The following RPL6 variants were observed in gnomAD, a reference collection of about 807,000 sequenced individuals.
RPL6 encodes large ribosomal subunit protein eL6.
Under a neutral mutation model 32.1 loss-of-function variants are expected in RPL6, and 1 was observed. The ratio of observed to expected loss-of-function variants is 0.03; its 90% CI spans 0.01 to 0.15. The LOEUF (loss-of-function observed/expected upper bound fraction) is 0.15. Ranked by LOEUF, RPL6 falls within the 10% of genes least tolerant of loss-of-function variation. RPL6 has a pLI of 1.00. For synonymous variants in RPL6, 126 were observed against 131.6 expected, an observed-to-expected ratio of 0.96 and a Z score of 0.29; for missense variants, 275 against 354.6, an observed-to-expected ratio of 0.78 and a Z score of 1.80.
chr12:112,414,157 A>G (rs533937115), upstream of RPL6, among the ~76,000 whole-genome samples: 1 of 152,352 alleles, frequency 6.6e-6, no homozygotes, highest in South Asian at 2.1e-4. Flanking sequence ...TAAATTTTGG[A>G]AGACAGGGAT....
At chr12:112,418,835 T>G in exon 1 of RPL6, 8 of 496,952 alleles carry the variant, frequency 1.6e-5, no homozygotes, top group Middle Eastern at 1.0e-3. Context: ...GGTCCTCCGC[T>G]GACGGGAAGC....
intron 1 of RPL6, among the ~76,000 whole-genome samples, chr12:112,416,356 G>A (rs1323456155): frequency 6.6e-6 from 1 of 151,940 alleles, no homozygotes; most frequent in African/African-American, 2.4e-5. Flanking sequence ...AGCCAGGATG[G>A]TCTCGATCTC....
chr12:112,414,773 C>CAGGT (rs2037383494), upstream of RPL6, among the ~76,000 whole-genome samples: 1 of 151,970 alleles, frequency 6.6e-6, no homozygotes, highest in African/African-American at 2.4e-5. Flanking sequence ...GGCGTGGTGG[C>CAGGT]AGGTACCTGT....
Position 112,405,386 on chromosome 12 carries a change from G to C in RPL6, c.715-10C>G. 6.2e-7 allele frequency: 1 copy of C among 1,607,602 alleles called. No individual in the cohort carries two copies. The highest frequency in any genetic ancestry group is 8.5e-7 in the Non-Finnish European group (1 of 1,178,638). ...CCGTAATCTCATATTTCTAAATAAA[G>C]AGAAAATCAAACATTTTAAAACAGG... On this transcript the variant is annotated splice_polypyrimidine_tract_variant and intron_variant, in intron 6 of 6. Transcript: ENST00000202773.
upstream of RPL6, among the ~76,000 whole-genome samples, chr12:112,413,456 T>C (rs1022559843): frequency 6.6e-6 from 1 of 152,054 alleles, no homozygotes; most frequent in Non-Finnish European, 1.5e-5. Context: ...GAGAATGGTG[T>C]GAACCCGGAA....
Position 112,406,907 on chromosome 12 carries a change from G to A in RPL6, c.337-17C>T. 1.9e-6 allele frequency: 3 copies of A among 1,613,218 alleles called. No individual in the cohort carries two copies. Among genetic ancestry groups the A allele is most frequent in the Non-Finnish European group, 2.5e-6 (3 of 1,179,500 alleles). ...ATATCTAGGCTGTGGAGAGTCCATA[G>A]ATCCAACTTATTTAAATAAGCCATT... On this transcript the variant is annotated splice_polypyrimidine_tract_variant and intron_variant, in intron 3 of 6. Coordinates refer to ENST00000202773, the MANE Select transcript of RPL6 (RefSeq NM_000970.6).
upstream of RPL6, among the ~76,000 whole-genome samples, chr12:112,415,081 G>C (rs1238251783): frequency 6.6e-6 from 1 of 152,168 alleles, no homozygotes; most frequent in Non-Finnish European, 1.5e-5. Flanking sequence ...CTCCTAGCCT[G>C]AGATCAGAGG....
At chr12:112,408,926 G>T in intron 1 of RPL6, 3 of 431,356 alleles carry the variant, frequency 7.0e-6, no homozygotes, top group Non-Finnish European at 1.2e-5. Flanking sequence ...AATACTGAGC[G>T]GTCAGAAGTC....
intron 1 of RPL6, among the ~76,000 whole-genome samples, chr12:112,415,411 T>A (rs1594115576): frequency 2.0e-5 from 3 of 152,104 alleles, no homozygotes; most frequent in Admixed American, 6.6e-5. Flanking sequence ...TCTAAAAAAA[T>A]TTTTTTAAAC....
intron 4 of RPL6, 110 bp from the exon 5 acceptor site, chr12:112,406,452 G>A: frequency 1.0e-6 from 1 of 973,972 alleles, no homozygotes; most frequent in Non-Finnish European, 1.6e-6. Flanking sequence ...ACATGTATAT[G>A]TATACAGCTC....
At chr12:112,416,099 C>T (rs1213535764) in intron 1 of RPL6, among the ~76,000 whole-genome samples, 1 of 147,448 alleles carries the variant, frequency 6.8e-6, no homozygotes, top group Non-Finnish European at 1.5e-5. Flanking sequence ...GCTGGGACTA[C>T]AGGTGCCTGC....
At chr12:112,408,825 TA>T (rs1463093783) in intron 1 of RPL6, 169 bp from the exon 2 acceptor site, 1 of 623,500 alleles carries the variant, frequency 1.6e-6, no homozygotes, top group Non-Finnish European at 2.7e-6. Context: ...CAACCTTCAC[TA>T]TGACTCATTT....
intron 3 of RPL6, chr12:112,407,507 AAAC>A (rs2037208109): frequency 2.0e-5 from 3 of 152,822 alleles, no homozygotes; most frequent in African/African-American, 4.8e-5. Flanking sequence ...CGAGTTCACA[AAAC>A]AACTGTCATC....
chr12:112,409,277 A>G, intron 1 of RPL6: 1 of 389,472 alleles, frequency 2.6e-6, no homozygotes, highest in East Asian at 3.7e-5. Context: ...AGGACCAGGA[A>G]CACAGTGCAC....
At chr12:112,409,846 A>C (rs926465090), upstream of RPL6, among the ~76,000 whole-genome samples, 2 of 151,986 alleles carry the variant, frequency 1.3e-5, no homozygotes, top group Non-Finnish European at 2.9e-5. Flanking sequence ...TCCCGTCTCT[A>C]CTAAAAATAC....
chr12:112,412,331 G>T (rs893909750), upstream of RPL6, among the ~76,000 whole-genome samples: 1 of 152,038 alleles, frequency 6.6e-6, no homozygotes, highest in Non-Finnish European at 1.5e-5. Context: ...GAGCCACCTT[G>T]CCCGGCCAAT....
intron 1 of RPL6, 99 bp downstream of exon 1, chr12:112,409,487 TC>T (rs1385529260): frequency 5.0e-6 from 2 of 398,564 alleles, no homozygotes; most frequent in Admixed American, 8.8e-5. Context: ...CTTGGACATG[TC>T]CGACCCCTGT....
At chr12:112,415,422 T>C (rs904557562) in intron 1 of RPL6, among the ~76,000 whole-genome samples, 1 of 151,816 alleles carries the variant, frequency 6.6e-6, no homozygotes, top group Non-Finnish European at 1.5e-5. Context: ...TTTTTTAAAC[T>C]TTTTTTTGGG....
chr12:112,406,046 GA>G lies in RPL6; in HGVS notation c.530-10del. On this transcript the variant is annotated splice_polypyrimidine_tract_variant and intron_variant, in intron 5 of 6. Transcript: ENST00000202773. ...ATTGAGGACCAGAGGTCCTAAGGGG[GA>G]AAAATTAATTTAGCAAGGAAAAGGG... is the stretch of plus-strand genomic sequence containing the variant. 2 of 1,594,584 alleles carry G rather than the reference GA, an allele frequency of 1.3e-6. No individual in the cohort carries two copies. Among genetic ancestry groups the G allele is most frequent in the Non-Finnish European group, 1.7e-6 (2 of 1,170,686 alleles).
Sources: allele counts gnomAD v4.1 joint callset (sites outside exome capture counted in the v4.1 genomes callset), GRCh38; gene constraint gnomAD v4.1.1; transcripts MANE v1.5; gene names NCBI Gene and HGNC (gene_info 2026-07-23, HGNC 2026-07-21).